Variants in SLC39A10 observed in about 807,000 individuals in gnomAD.
The protein encoded by SLC39A10 is zinc transporter ZIP10.
In SLC39A10, 13 loss-of-function variants were observed where a neutral mutation model predicts 65.1. The ratio of observed to expected loss-of-function variants is 0.20; its 90% CI spans 0.13 to 0.32. The LOEUF (loss-of-function observed/expected upper bound fraction) is 0.32, where lower values mean the gene tolerates loss of function less well. Ranked by LOEUF, SLC39A10 falls within the 10% of genes least tolerant of loss-of-function variation. The pLI is 1.00. For synonymous variants in SLC39A10, 321 were observed against 342.2 expected, an observed-to-expected ratio of 0.94 and a Z score of 0.68; for missense variants, 831 against 1,018.4, an observed-to-expected ratio of 0.82 and a Z score of 2.50.
chr2:195,681,127 A>G, intron 2 of SLC39A10, 77 bp downstream of exon 2: 1 of 1,363,156 alleles, frequency 7.3e-7, no homozygotes, highest in Non-Finnish European at 1.0e-6. Context: ...CAGGATAAGT[A>G]ACAGTGGAGT....
intron 2 of SLC39A10, among the ~76,000 whole-genome samples, chr2:195,627,923 A>G (rs1385338968): frequency 6.6e-6 from 1 of 152,234 alleles, no homozygotes; most frequent in Non-Finnish European, 1.5e-5. Flanking sequence ...CTCTCTTTAA[A>G]GAGACATTAA....
chr2:195,729,400 C>T (rs1469694121), intron 9 of SLC39A10, among the ~76,000 whole-genome samples: 2 of 152,196 alleles, frequency 1.3e-5, no homozygotes, highest in Non-Finnish European at 2.9e-5. Context: ...TCCCTGCTGA[C>T]TTTTAATATC....
intron 3 of SLC39A10, among the ~76,000 whole-genome samples, chr2:195,686,548 C>G (rs1690534904): frequency 2.6e-5 from 4 of 152,012 alleles, no homozygotes; most frequent in Admixed American, 2.6e-4. Flanking sequence ...GACTCCGTCT[C>G]AAAACAAAAC....
Position 195,617,865 on chromosome 2 carries a change from G to A in SLC39A10, c.-12+11632G>A, listed in dbSNP as rs1688257309. Among the ~76,000 whole-genome samples the A allele has an allele frequency of 2.7e-5, 4 of 150,700 alleles. No individual in the cohort carries two copies. The South Asian group carries it at 6.3e-4, about 24-fold the overall frequency. ...CGCCATTCTCCTGCCTCAGCCTCCC[G>A]AGTAGCTGGGACCACAGGTGCCCGC... On this transcript the variant is annotated intron_variant, in intron 2 of 2. Transcript: ENST00000458054.
At chr2:195,661,456 T>A (rs1689395573) in intron 1 of SLC39A10, among the ~76,000 whole-genome samples, 1 of 152,176 alleles carries the variant, frequency 6.6e-6, no homozygotes, top group Admixed American at 6.5e-5. Context: ...TCCAGGCTGG[T>A]CACAAACTCT....
At chr2:195,700,532 A>C (rs1691137062) in intron 3 of SLC39A10, among the ~76,000 whole-genome samples, 1 of 152,082 alleles carries the variant, frequency 6.6e-6, no homozygotes, top group African/African-American at 2.4e-5. Flanking sequence ...ACCTTTCTCC[A>C]CACCTTTCAG....
At chr2:195,642,452 A>C (rs1481696964) in intron 2 of SLC39A10, among the ~76,000 whole-genome samples, 2 of 152,192 alleles carry the variant, frequency 1.3e-5, no homozygotes, top group African/African-American at 4.8e-5. Flanking sequence ...GATTGGGGGA[A>C]ACAAGAGGAA....
chr2:195,680,191 A>C lies in SLC39A10; in HGVS notation c.149A>C (p.Lys50Thr). Residue 50 changes from lysine (K) to threonine (T), a missense_variant, in exon 2 of 10, where the codon AAA becomes ACA. Around this residue, in one of 4 missense-constraint regions of SLC39A10, gnomAD observed 446 missense variants for 499.2 expected, o/e 0.89. Transcript: ENST00000359634. The stretch of plus-strand genomic sequence containing the variant: ...GGAATGACAGAATTGGAGCCAAGCA[A>C]ATTTTCAAAGCAAGCTGCTGAAAAT... ...HRGMTELEPSKFSKQAAENEK... is the reference protein window; with the variant it reads ...HRGMTELEPSTFSKQAAENEK... 1 of 1,614,108 alleles carries C rather than the reference A, an allele frequency of 6.2e-7. No individual in the cohort carries two copies.
At chr2:195,633,924 G>C (rs532021232) in intron 2 of SLC39A10, among the ~76,000 whole-genome samples, 6 of 152,206 alleles carry the variant, frequency 3.9e-5, no homozygotes, top group Non-Finnish European at 7.3e-5. Flanking sequence ...AGGCTTTTCG[G>C]CTTGAGGGTG....
chr2:195,671,045 T>C (rs558482291), intron 1 of SLC39A10, among the ~76,000 whole-genome samples: 8 of 152,256 alleles, frequency 5.3e-5, no homozygotes, highest in African/African-American at 1.9e-4. Flanking sequence ...AAATAGGACA[T>C]TAATAGGAAC....
At chr2:195,695,689 T>C (rs1690928095) in intron 3 of SLC39A10, among the ~76,000 whole-genome samples, 2 of 152,246 alleles carry the variant, frequency 1.3e-5, no homozygotes, top group East Asian at 3.8e-4. Flanking sequence ...AGTCTCCACA[T>C]GCTGCTCTGT....
chr2:195,726,143 T>C (rs1315082970), intron 8 of SLC39A10, among the ~76,000 whole-genome samples: 1 of 152,240 alleles, frequency 6.6e-6, no homozygotes, highest in African/African-American at 2.4e-5. Context: ...TGTTAATTCA[T>C]GCTGTTTGGT....
chr2:195,665,782 G>A (rs116564773), intron 1 of SLC39A10, among the ~76,000 whole-genome samples: 1,895 of 152,070 alleles, frequency 0.012, 39 homozygotes, highest in African/African-American at 0.042. Flanking sequence ...CAGATAACAT[G>A]TTCATTACTT....
intron 1 of SLC39A10, among the ~76,000 whole-genome samples, chr2:195,658,913 A>C (rs1689271875): frequency 6.6e-6 from 1 of 152,252 alleles, no homozygotes; most frequent in Non-Finnish European, 1.5e-5. Context: ...ATGGTTTTAA[A>C]TGTATGAAAT....
intron 3 of SLC39A10, among the ~76,000 whole-genome samples, chr2:195,694,940 T>C (rs1252436246): frequency 6.6e-6 from 1 of 152,134 alleles, no homozygotes; most frequent in African/African-American, 2.4e-5. Context: ...AGCAGGGTTT[T>C]ACTGAGTGAA....
In SLC39A10 at chr2:195,613,173, T is replaced by C. The variant is rs559888657; in HGVS notation, c.-12+6940T>C. Among the ~76,000 whole-genome samples the C allele has an allele frequency of 2.1e-4, 32 of 152,230 alleles. No individual in the cohort carries two copies. In the South Asian group the frequency reaches 5.6e-3, roughly 27 times the overall value. On this transcript the variant is annotated intron_variant, in intron 2 of 2. Transcript: ENST00000458054. The stretch of plus-strand genomic sequence containing the variant: ...TGTTCTCTGACCTGGCACCCTTCTG[T>C]TCCCCCACCCCACCCTTCTATCCTC...
chr2:195,718,782 T>G (rs756703025), intron 8 of SLC39A10, among the ~76,000 whole-genome samples: 1 of 152,162 alleles, frequency 6.6e-6, no homozygotes, highest in Non-Finnish European at 1.5e-5. Context: ...AATAGAAAGT[T>G]AATATTGATG....
At chr2:195,670,426 CA>C (rs1689813383) in intron 1 of SLC39A10, 1 of 152,056 alleles carries the variant, frequency 6.6e-6, no homozygotes, top group Non-Finnish European at 1.5e-5. Context: ...GGGGCTATGC[CA>C]ATCTTCTCTG....
intron 3 of SLC39A10, among the ~76,000 whole-genome samples, chr2:195,695,938 G>C: frequency 6.6e-6 from 1 of 152,256 alleles, no homozygotes; most frequent in Middle Eastern, 3.4e-3. Context: ...TTAGGTATTT[G>C]ATTCATTTTG....
Sources: allele counts gnomAD v4.1 joint callset (sites outside exome capture counted in the v4.1 genomes callset), GRCh38; gene constraint gnomAD v4.1.1; regional missense constraint gnomAD v4.1.1; transcripts MANE v1.5; gene names NCBI Gene and HGNC (gene_info 2026-07-23, HGNC 2026-07-21).